Variants in FBLL1 observed in about 807,000 individuals in gnomAD.
FBLL1 encodes fibrillarin like rRNA 2'-O-methyltransferase 1.
Under a neutral mutation model 5.7 loss-of-function variants are expected in FBLL1, and 6 were observed. The observed-to-expected ratio is 1.05, with a 90% CI of 0.57 to 2.07. The LOEUF is 2.07. Among genes scored for constraint, FBLL1 ranks in the 30% most tolerant of loss-of-function variants. The pLI is 0.00. For missense variants in FBLL1, 258 were observed against 165.2 expected, an observed-to-expected ratio of 1.56 and a Z score of -3.08; for synonymous variants, 133 against 75.1, an observed-to-expected ratio of 1.77 and a Z score of -3.99.
chr5:168,530,295 C>T lies in FBLL1; in HGVS notation c.791C>T (p.Thr264Ile), dbSNP rs1246275547. The change falls in exon 1 of 1, where the codon ACC becomes ATC. Residue 264 changes from threonine to isoleucine, a missense_variant. Coordinates refer to ENST00000338333, the MANE Select transcript of FBLL1 (RefSeq NM_001355274.2). The surrounding 1 kb of genome is among the most constrained non-coding windows in gnomAD (Gnocchi z 4.9). ...QSRIVALNAH[T>I]FLRNGGHFLI... Reference sequence around the variant, plus strand: ...CGCATCGTGGCCCTGAACGCCCACACCTTCCTGCGCAATGGGGGCCACTTT... The same window carrying T: ...CGCATCGTGGCCCTGAACGCCCACATCTTCCTGCGCAATGGGGGCCACTTT... The T allele has an allele frequency of 2.6e-6, 2 of 765,860 alleles. No individual in the cohort carries two copies. 47.4% of individuals were successfully genotyped at this position (765,860 alleles called of 1,614,324 possible). A position where few individuals can be genotyped will look rare whatever the true frequency, so the allele number is the denominator to read the frequency against.
At position 168,530,325 on chromosome 5, in the gene FBLL1, T is replaced by A. The variant is rs763172966; in HGVS notation, c.821T>A (p.Ile274Asn). The A allele has an allele frequency of 1.3e-6, 1 of 765,620 alleles. No individual in the cohort carries two copies. The highest frequency in any genetic ancestry group is 1.7e-5 in the Admixed American group (1 of 59,014). 47.4% of individuals were successfully genotyped at this position (765,620 alleles called of 1,614,324 possible). ...CTGCGCAATGGGGGCCACTTTCTCATCTCCATCAAGGCCAACTGCATCGAC... is the reference window on the plus strand; with the variant it reads ...CTGCGCAATGGGGGCCACTTTCTCAACTCCATCAAGGCCAACTGCATCGAC... ...TFLRNGGHFL[I>N]SIKANCIDST... The change falls in exon 1 of 1, where the codon ATC (isoleucine) becomes AAC (asparagine). Residue 274 changes from isoleucine to asparagine, a missense_variant. Coordinates refer to ENST00000338333, the MANE Select transcript of FBLL1 (RefSeq NM_001355274.2). The surrounding 1 kb of genome is among the most constrained non-coding windows in gnomAD (Gnocchi z 4.9).
rs1352127347 is a variant in FBLL1 at position 168,530,440 on chromosome 5, G to A, written c.936G>A (p.Glu312=). ...NLKPQEQLTL[E]PYERDHAVVV... ...AGCCTCAAGAGCAGCTGACCCTGGAGCCCTATGAGCGGGACCACGCTGTGG... is the reference window on the plus strand; with the variant it reads ...AGCCTCAAGAGCAGCTGACCCTGGAACCCTATGAGCGGGACCACGCTGTGG... The change falls in exon 1 of 1, where the codon GAG becomes GAA. Residue 312 remains glutamate (E), a synonymous_variant. Coordinates refer to ENST00000338333, the MANE Select transcript of FBLL1 (RefSeq NM_001355274.2). This position sits in a 1 kb window ranked among gnomAD's most constrained non-coding sequence, Gnocchi z 4.9. 1.3e-6 allele frequency: 1 copy of A among 763,706 alleles called. No individual in the cohort carries two copies. Among genetic ancestry groups the A allele is most frequent in the East Asian group, 2.4e-5 (1 of 41,234 alleles). 47.3% of individuals were successfully genotyped at this position (763,706 alleles called of 1,614,324 possible).
rs1274384841 is a variant in FBLL1 at position 168,530,527 on chromosome 5, C to T, written c.*18C>T. 2.7e-6 allele frequency: 2 copies of T among 750,364 alleles called. No homozygotes were observed. Among genetic ancestry groups the T allele is most frequent in the East Asian group, 4.9e-5 (2 of 41,012 alleles). The allele number at this position is 750,364 out of a possible 1,614,324, so 46.5% of individuals were successfully genotyped here. On this transcript the variant is annotated 3_prime_UTR_variant, in exon 1 of 1. Coordinates refer to ENST00000338333, the MANE Select transcript of FBLL1 (RefSeq NM_001355274.2). The surrounding 1 kb of genome is among the most constrained non-coding windows in gnomAD (Gnocchi z 4.9). ...GCAAATAGCACCCAGCTCAGGCTCGCCTGCCATCTCCCCAAGGCTGCGTTG... is the reference window on the plus strand; with the variant it reads ...GCAAATAGCACCCAGCTCAGGCTCGTCTGCCATCTCCCCAAGGCTGCGTTG...
Position 168,530,059 on chromosome 5 carries a change from C to T in FBLL1, c.555C>T (p.Thr185=), listed in dbSNP as rs751561317. ...ACCTGGGCGCCGCGTCGGGCACCAC[C>T]GTCTCCCATGTCTCCGACATCATTG... ...VLYLGAASGT[T]VSHVSDIIGP... The change falls in exon 1 of 1, where the codon ACC becomes ACT. Residue 185 remains threonine, a synonymous_variant. Coordinates refer to ENST00000338333, the MANE Select transcript of FBLL1 (RefSeq NM_001355274.2). This position sits in a 1 kb window ranked among gnomAD's most constrained non-coding sequence, Gnocchi z 4.9. 2 of 757,650 alleles carry T rather than the reference C, an allele frequency of 2.6e-6. No individual in the cohort carries two copies. Among genetic ancestry groups the T allele is most frequent in the African/African-American group, 3.4e-5 (2 of 58,940 alleles). The allele number at this position is 757,650 out of a possible 1,614,324, so 46.9% of individuals were successfully genotyped here. A position where few individuals can be genotyped will look rare whatever the true frequency, so the allele number is the denominator to read the frequency against.
rs1758939940 is a variant in FBLL1, at chr5:168,529,661, C to A, written c.157C>A (p.Arg53=). The A allele has an allele frequency of 6.7e-6, 1 of 149,280 alleles. No homozygotes were observed. The highest frequency in any genetic ancestry group is 1.8e-4 in the South Asian group (1 of 5,426). 9.2% of individuals were successfully genotyped at this position (149,280 alleles called of 1,614,324 possible). ...GQGGKGGFGA[R]ARGFGGGGRG... ...GGGGGGCAAGGGCGGCTTCGGGGCG[C>A]GGGCGCGCGGCTTCGGCGGGGGCGG... The change falls in exon 1 of 1, where the codon CGG becomes AGG. Residue 53 remains arginine, a synonymous_variant. Coordinates refer to ENST00000338333, the MANE Select transcript of FBLL1 (RefSeq NM_001355274.2). The surrounding 1 kb of genome is among the most constrained non-coding windows in gnomAD (Gnocchi z 7.2).
Position 168,530,391 on chromosome 5 carries a change from G to A in FBLL1, c.887G>A (p.Arg296Lys). 3 of 765,042 alleles carry A rather than the reference G, an allele frequency of 3.9e-6. No homozygotes were observed. Among genetic ancestry groups the A allele is most frequent in the South Asian group, 2.7e-5 (2 of 74,498 alleles). The allele number at this position is 765,042 out of a possible 1,614,324, so 47.4% of individuals were successfully genotyped here. Residue 296 changes from arginine to lysine, a missense_variant, in exon 1 of 1, where the codon AGG becomes AAG. Arg to Lys is a conservative substitution (Grantham distance 26). Coordinates refer to ENST00000338333, the MANE Select transcript of FBLL1 (RefSeq NM_001355274.2). The surrounding 1 kb of genome is among the most constrained non-coding windows in gnomAD (Gnocchi z 4.9). ...GAGGCTGTGTTTGCTTCTGAGGTGA[G>A]GAAGTTGCAGCAGGAGAACTTGAAG... ...SAEAVFASEV[R>K]KLQQENLKPQ...
Position 168,530,484 on chromosome 5 carries a change from C to T in FBLL1, c.980C>T (p.Pro327Leu). 1 of 762,842 alleles carries T rather than the reference C, an allele frequency of 1.3e-6. No individual in the cohort carries two copies. Among genetic ancestry groups the T allele is most frequent in the South Asian group, 1.4e-5 (1 of 74,008 alleles). 47.3% of individuals were successfully genotyped at this position (762,842 alleles called of 1,614,324 possible). The part of the protein sequence containing the change: ...DHAVVVGVYR[P>L]LPKSSSK Reference sequence around the variant, plus strand: ...GCTGTGGTGGTCGGGGTCTACCGACCTCTTCCCAAGAGCAGCAGCAAATAG... The same window carrying T: ...GCTGTGGTGGTCGGGGTCTACCGACTTCTTCCCAAGAGCAGCAGCAAATAG... The change falls in exon 1 of 1, where the codon CCT becomes CTT. Residue 327 changes from proline (P) to leucine (L), a missense_variant. By Grantham distance (98) the Pro-to-Leu change is moderately conservative. Transcript: ENST00000338333. The surrounding 1 kb of genome is among the most constrained non-coding windows in gnomAD (Gnocchi z 4.9).
At position 168,529,527 on chromosome 5, in the gene FBLL1, G is replaced by C. The variant is rs1206956254; in HGVS notation, c.23G>C (p.Arg8Pro). MKSAASS[R>P]GGGGGGRGGG... ...GCCATGAAGTCGGCCGCGAGCTCGC[G>C]CGGGGGCGGTGGGGGCGGCCGCGGG... Residue 8 changes from arginine (R) to proline (P), a missense_variant, in exon 1 of 1, where the codon CGC becomes CCC. Arg to Pro is a moderately radical substitution (Grantham distance 103). Coordinates refer to ENST00000338333, the MANE Select transcript of FBLL1 (RefSeq NM_001355274.2). This position sits in a 1 kb window ranked among gnomAD's most constrained non-coding sequence, Gnocchi z 7.2. 6.6e-6 allele frequency: 1 copy of C among 152,136 alleles called. No homozygotes were observed. Among genetic ancestry groups the C allele is most frequent in the African/African-American group, 2.4e-5 (1 of 41,138 alleles). 9.4% of individuals were successfully genotyped at this position (152,136 alleles called of 1,614,324 possible). A position where few individuals can be genotyped will look rare whatever the true frequency, so the allele number is the denominator to read the frequency against.
At position 168,530,561 on chromosome 5, in the gene FBLL1, A is replaced by T. The variant is rs1428203384; in HGVS notation, c.*52A>T. 1.5e-6 allele frequency: 1 copy of T among 675,346 alleles called. No individual in the cohort carries two copies. The highest frequency in any genetic ancestry group is 2.6e-6 in the Non-Finnish European group (1 of 377,818). 41.8% of individuals were successfully genotyped at this position (675,346 alleles called of 1,614,324 possible). ...TCCCCAAGGCTGCGTTGTGTTTGCTATTATTTTCTGTGTGTTTTCTTTGTG... is the reference window on the plus strand; with the variant it reads ...TCCCCAAGGCTGCGTTGTGTTTGCTTTTATTTTCTGTGTGTTTTCTTTGTG... On this transcript the variant is annotated 3_prime_UTR_variant, in exon 1 of 1. Transcript: ENST00000338333. This position sits in a 1 kb window ranked among gnomAD's most constrained non-coding sequence, Gnocchi z 4.9.
At position 168,530,440 on chromosome 5, in the gene FBLL1, G is replaced by T; in HGVS notation, c.936G>T (p.Glu312Asp). ...NLKPQEQLTLEPYERDHAVVV... is the reference protein window; with the variant it reads ...NLKPQEQLTLDPYERDHAVVV... Reference sequence around the variant, plus strand: ...AGCCTCAAGAGCAGCTGACCCTGGAGCCCTATGAGCGGGACCACGCTGTGG... The same window carrying T: ...AGCCTCAAGAGCAGCTGACCCTGGATCCCTATGAGCGGGACCACGCTGTGG... Residue 312 changes from glutamate to aspartate, a missense_variant, in exon 1 of 1, where the codon GAG (glutamate) becomes GAT (aspartate). Glu to Asp is a conservative substitution (Grantham distance 45). Coordinates refer to ENST00000338333, the MANE Select transcript of FBLL1 (RefSeq NM_001355274.2). The surrounding 1 kb of genome is among the most constrained non-coding windows in gnomAD (Gnocchi z 4.9). The T allele has an allele frequency of 1.3e-6, 1 of 763,706 alleles. No individual in the cohort carries two copies. The highest frequency in any genetic ancestry group is 2.4e-6 in the Non-Finnish European group (1 of 417,268). The allele number at this position is 763,706 out of a possible 1,614,324, so 47.3% of individuals were successfully genotyped here.
chr5:168,530,240 T>A lies in FBLL1; in HGVS notation c.736T>A (p.Phe246Ile), dbSNP rs758722868. Reference protein sequence around the residue: ...RMLIGMVDVIFADVAQPDQSR... With the variant: ...RMLIGMVDVIIADVAQPDQSR... Reference sequence around the variant, plus strand: ...GCTCATCGGGATGGTGGACGTGATCTTCGCCGACGTGGCCCAGCCGGACCA... The same window carrying A: ...GCTCATCGGGATGGTGGACGTGATCATCGCCGACGTGGCCCAGCCGGACCA... Residue 246 changes from phenylalanine (F) to isoleucine (I), a missense_variant, in exon 1 of 1, where the codon TTC becomes ATC. Coordinates refer to ENST00000338333, the MANE Select transcript of FBLL1 (RefSeq NM_001355274.2). This position sits in a 1 kb window ranked among gnomAD's most constrained non-coding sequence, Gnocchi z 4.9. The A allele has an allele frequency of 1.3e-6, 1 of 765,824 alleles. No homozygotes were observed. Among genetic ancestry groups the A allele is most frequent in the East Asian group, 2.4e-5 (1 of 41,254 alleles). The allele number at this position is 765,824 out of a possible 1,614,324, so 47.4% of individuals were successfully genotyped here. A position where few individuals can be genotyped will look rare whatever the true frequency, so the allele number is the denominator to read the frequency against.
rs1369003533 is a variant in FBLL1 at position 168,530,188 on chromosome 5, C to T, written c.684C>T (p.Asp228=). ...CCAACATCATTCCGGTCCTGGAGGACGCGCGGCACCCGCTCAAGTACCGCA... is the reference window on the plus strand; with the variant it reads ...CCAACATCATTCCGGTCCTGGAGGATGCGCGGCACCCGCTCAAGTACCGCA... The part of the protein sequence containing the change: ...KRTNIIPVLE[D]ARHPLKYRML... The change falls in exon 1 of 1, where the codon GAC becomes GAT. Residue 228 remains aspartate (D), a synonymous_variant. Transcript: ENST00000338333. The surrounding 1 kb of genome is among the most constrained non-coding windows in gnomAD (Gnocchi z 4.9). 1 of 765,468 alleles carries T rather than the reference C, an allele frequency of 1.3e-6. No homozygotes were observed. Among genetic ancestry groups the T allele is most frequent in the Admixed American group, 1.7e-5 (1 of 59,028 alleles). 47.4% of individuals were successfully genotyped at this position (765,468 alleles called of 1,614,324 possible).
In FBLL1 at chr5:168,529,679, G is replaced by T; in HGVS notation, c.175G>T (p.Gly59Trp). 1 of 230,872 alleles carries T rather than the reference G, an allele frequency of 4.3e-6. No individual in the cohort carries two copies. The highest frequency in any genetic ancestry group is 7.4e-5 in the East Asian group (1 of 13,554). The allele number at this position is 230,872 out of a possible 1,614,324, so 14.3% of individuals were successfully genotyped here. ...CGGGGCGCGGGCGCGCGGCTTCGGC[G>T]GGGGCGGCCGGGGCCGGGGGCGCGG... is the stretch of plus-strand genomic sequence containing the variant. Reference protein sequence around the residue: ...GFGARARGFGGGGRGRGRGGG... With the variant: ...GFGARARGFGWGGRGRGRGGG... The change falls in exon 1 of 1, where the codon GGG becomes TGG. Residue 59 changes from glycine (G) to tryptophan (W), a missense_variant. Physicochemically the swap from Gly to Trp is radical, Grantham distance 184. Coordinates refer to ENST00000338333, the MANE Select transcript of FBLL1 (RefSeq NM_001355274.2). This position sits in a 1 kb window ranked among gnomAD's most constrained non-coding sequence, Gnocchi z 7.2.
In FBLL1 at chr5:168,529,885, G is replaced by C; in HGVS notation, c.381G>C (p.Gln127His). 1 of 718,972 alleles carries C rather than the reference G, an allele frequency of 1.4e-6. No individual in the cohort carries two copies. Among genetic ancestry groups the C allele is most frequent in the Admixed American group, 1.9e-5 (1 of 52,216 alleles). The allele number at this position is 718,972 out of a possible 1,614,324, so 44.5% of individuals were successfully genotyped here. A position where few individuals can be genotyped will look rare whatever the true frequency, so the allele number is the denominator to read the frequency against. Residue 127 changes from glutamine (Q) to histidine (H), a missense_variant, in exon 1 of 1, where the codon CAG (glutamine) becomes CAC (histidine). Coordinates refer to ENST00000338333, the MANE Select transcript of FBLL1 (RefSeq NM_001355274.2). The surrounding 1 kb of genome is among the most constrained non-coding windows in gnomAD (Gnocchi z 7.2). ...ALVTLNMVPG[Q>H]SVYGERRVTV... ...TCACGCTGAACATGGTGCCGGGCCA[G>C]TCTGTGTACGGCGAGAGGCGCGTCA...
chr5:168,530,523 C>G lies in FBLL1; in HGVS notation c.*14C>G. ...AGCAGCAAATAGCACCCAGCTCAGGCTCGCCTGCCATCTCCCCAAGGCTGC... is the reference window on the plus strand; with the variant it reads ...AGCAGCAAATAGCACCCAGCTCAGGGTCGCCTGCCATCTCCCCAAGGCTGC... On this transcript the variant is annotated 3_prime_UTR_variant, in exon 1 of 1. Coordinates refer to ENST00000338333, the MANE Select transcript of FBLL1 (RefSeq NM_001355274.2). This position sits in a 1 kb window ranked among gnomAD's most constrained non-coding sequence, Gnocchi z 4.9. 1.3e-6 allele frequency: 1 copy of G among 752,806 alleles called. No individual in the cohort carries two copies. The allele number at this position is 752,806 out of a possible 1,614,324, so 46.6% of individuals were successfully genotyped here. A position where few individuals can be genotyped will look rare whatever the true frequency, so the allele number is the denominator to read the frequency against.
At position 168,529,957 on chromosome 5, in the gene FBLL1, G is replaced by A; in HGVS notation, c.453G>A (p.Pro151=). ...GVKQEYRTWN[P]FRSKLAAAIL... ...AGCAGGAGTACCGCACGTGGAACCC[G>A]TTCCGCTCTAAGCTGGCCGCGGCCA... The change falls in exon 1 of 1, where the codon CCG becomes CCA. Residue 151 remains proline, a synonymous_variant. Coordinates refer to ENST00000338333, the MANE Select transcript of FBLL1 (RefSeq NM_001355274.2). The surrounding 1 kb of genome is among the most constrained non-coding windows in gnomAD (Gnocchi z 7.2). 1 of 744,456 alleles carries A rather than the reference G, an allele frequency of 1.3e-6. No homozygotes were observed. Among genetic ancestry groups the A allele is most frequent in the Non-Finnish European group, 2.4e-6 (1 of 408,466 alleles). The allele number at this position is 744,456 out of a possible 1,614,324, so 46.1% of individuals were successfully genotyped here.
rs1351417660 is a variant in FBLL1 at position 168,530,179 on chromosome 5, C to G, written c.675C>G (p.Val225=). ...AGAAGCGCACCAACATCATTCCGGT[C>G]CTGGAGGACGCGCGGCACCCGCTCA... ...VAKKRTNIIP[V]LEDARHPLKY... is the part of the protein sequence containing the mutation. The change falls in exon 1 of 1, where the codon GTC becomes GTG. Residue 225 remains valine, a synonymous_variant. Transcript: ENST00000338333. This position sits in a 1 kb window ranked among gnomAD's most constrained non-coding sequence, Gnocchi z 4.9. 2 of 765,214 alleles carry G rather than the reference C, an allele frequency of 2.6e-6. No homozygotes were observed. Among genetic ancestry groups the G allele is most frequent in the Non-Finnish European group, 4.8e-6 (2 of 417,892 alleles). 47.4% of individuals were successfully genotyped at this position (765,214 alleles called of 1,614,324 possible).
rs1319953039 is a variant in FBLL1 at position 168,529,778 on chromosome 5, A to C, written c.274A>C (p.Arg92=). 1 of 693,050 alleles carries C rather than the reference A, an allele frequency of 1.4e-6. No homozygotes were observed. The highest frequency in any genetic ancestry group is 2.6e-6 in the Non-Finnish European group (1 of 380,960). The allele number at this position is 693,050 out of a possible 1,614,324, so 42.9% of individuals were successfully genotyped here. A position where few individuals can be genotyped will look rare whatever the true frequency, so the allele number is the denominator to read the frequency against. ...GGVAKSKSRR[R]KGAMVVSVEP... ...CGTGGCCAAGAGCAAGAGCCGCCGC[A>C]GGAAGGGCGCCATGGTGGTGTCGGT... The change falls in exon 1 of 1, where the codon AGG becomes CGG. Residue 92 remains arginine (R), a synonymous_variant. Coordinates refer to ENST00000338333, the MANE Select transcript of FBLL1 (RefSeq NM_001355274.2). The surrounding 1 kb of genome is among the most constrained non-coding windows in gnomAD (Gnocchi z 7.2).
Position 168,530,123 on chromosome 5 carries a change from C to A in FBLL1, c.619C>A (p.Arg207Ser), listed in dbSNP as rs1294267010. ...GGTCTACGCCGTCGAGTTCTCCCAC[C>A]GCGCCGGCCGCGATCTGGTCAACGT... ...GLVYAVEFSH[R>S]AGRDLVNVAK... Residue 207 changes from arginine (R) to serine (S), a missense_variant, in exon 1 of 1, where the codon CGC becomes AGC. Transcript: ENST00000338333. This position sits in a 1 kb window ranked among gnomAD's most constrained non-coding sequence, Gnocchi z 4.9. 2.6e-6 allele frequency: 2 copies of A among 762,780 alleles called. No homozygotes were observed. Among genetic ancestry groups the A allele is most frequent in the Non-Finnish European group, 4.8e-6 (2 of 416,912 alleles). The allele number at this position is 762,780 out of a possible 1,614,324, so 47.3% of individuals were successfully genotyped here. A position where few individuals can be genotyped will look rare whatever the true frequency, so the allele number is the denominator to read the frequency against.
Sources: gnomAD v4.1 joint callset for allele counts on GRCh38, gnomAD v4.1.1 for gene constraint, Gnocchi (gnomAD v3.1) non-coding constraint, MANE v1.5 for transcripts, NCBI Gene and HGNC (gene_info 2026-07-23, HGNC 2026-07-21) for gene names.